Variants in SLC9A8 observed in about 807,000 individuals in gnomAD.
SLC9A8 encodes the protein sodium/hydrogen exchanger 8.
SLC9A8 carries 48 observed loss-of-function variants against 66.6 expected under a neutral mutation model. The observed-to-expected ratio is 0.72, with a 90% CI of 0.57 to 0.92. The LOEUF is 0.92. Among genes scored for constraint, SLC9A8 ranks in the 40% least tolerant of loss-of-function variants. The pLI is 0.00. For synonymous variants in SLC9A8, 274 were observed against 282.6 expected (o/e 0.97, Z 0.31); for missense variants, 599 against 747.3 (o/e 0.80, Z 2.31).
At chr20:49,846,325 A>T (rs972964830) in intron 5 of SLC9A8, among the ~76,000 whole-genome samples, 5 of 152,212 alleles carry the variant, frequency 3.3e-5, no homozygotes, top group African/African-American at 9.6e-5. Flanking sequence ...TGTGATTTTT[A>T]AAAAAACTGT....
At position 49,891,812 on chromosome 20, in the gene SLC9A8, A is replaced by G. The variant is rs555962239; in HGVS notation, c.*3876A>G. On this transcript the variant is annotated 3_prime_UTR_variant, in exon 16 of 16. Coordinates refer to ENST00000361573, the MANE Select transcript of SLC9A8 (RefSeq NM_015266.3). ...GGTGGGCATGGCCTGGCTTACACCA[A>G]AGGCTTTGACGGTTTCTCCAAGTAA... 2 of 152,358 alleles carry G rather than the reference A, an allele frequency of 1.3e-5. No individual in the cohort carries two copies. Among genetic ancestry groups the G allele is most frequent in the South Asian group, 2.1e-4 (1 of 4,834 alleles). The allele number at this position is 152,358 out of a possible 1,614,324, so 9.4% of individuals were successfully genotyped here. A position where few individuals can be genotyped will look rare whatever the true frequency, so the allele number is the denominator to read the frequency against.
At chr20:49,824,194 G>A (rs1426752695) in intron 3 of SLC9A8, among the ~76,000 whole-genome samples, 2 of 152,192 alleles carry the variant, frequency 1.3e-5, no homozygotes, top group Non-Finnish European at 2.9e-5. Flanking sequence ...AGGTGATGCC[G>A]TATTTTAAGG....
At chr20:49,882,363 GC>G (rs1002899934) in intron 13 of SLC9A8, among the ~76,000 whole-genome samples, 3 of 152,196 alleles carry the variant, frequency 2.0e-5, no homozygotes, top group African/African-American at 4.8e-5. Flanking sequence ...CCTTCCCACT[GC>G]CCCTACCTTC....
chr20:49,865,954 ATTAAC>A (rs2088947429), intron 10 of SLC9A8, among the ~76,000 whole-genome samples: 1 of 152,160 alleles, frequency 6.6e-6, no homozygotes, highest in South Asian at 2.1e-4. Flanking sequence ...TTTCTTTTTT[ATTAAC>A]TTCGTTGAGG....
chr20:49,850,879 CT>C, intron 7 of SLC9A8, 35 bp downstream of exon 7: 1 of 1,498,236 alleles, frequency 6.7e-7, no homozygotes, highest in South Asian at 1.2e-5. Flanking sequence ...CATGCGACTG[CT>C]TTTCAGACAG....
rs750209706 is a variant in SLC9A8, at chr20:49,815,176, C to G, written c.195C>G (p.Ser65Arg). 2.6e-6 allele frequency: 4 copies of G among 1,557,874 alleles called. No homozygotes were observed. Among genetic ancestry groups the G allele is most frequent in the Non-Finnish European group, 3.5e-6 (4 of 1,150,036 alleles). ...EQSSGMTIFFSLLVLAICIIL... is the reference protein window; with the variant it reads ...EQSSGMTIFFRLLVLAICIIL... ...CCAGCGGCATGACCATTTTCTTCAG[C>G]CTCCTTGTCCTAGGTGAATATGGAC... The change falls in exon 2 of 16, where the codon AGC (serine) becomes AGG (arginine). Residue 65 changes from serine (S) to arginine (R), a missense_variant. Transcript: ENST00000361573.
rs562647171 is a variant in SLC9A8, at chr20:49,817,815, A to G, written c.208+2626A>G. Among the ~76,000 whole-genome samples the G allele has an allele frequency of 4.6e-5, 7 of 152,274 alleles. No individual in the cohort carries two copies. The South Asian group carries it at 8.3e-4, about 18-fold the overall frequency. The stretch of plus-strand genomic sequence containing the variant: ...TACCCTGTAAATGTAGTTGAATTCT[A>G]TTTCTAGGGGATTACTTCAACAATG... On this transcript the variant is annotated intron_variant, in intron 2 of 15. Coordinates refer to ENST00000361573, the MANE Select transcript of SLC9A8 (RefSeq NM_015266.3).
chr20:49,881,188 C>G (rs2089613979), intron 13 of SLC9A8, among the ~76,000 whole-genome samples, 153 bp downstream of exon 13: 1 of 152,128 alleles, frequency 6.6e-6, no homozygotes, highest in Non-Finnish European at 1.5e-5. Context: ...AAGATGGTGC[C>G]CCTCACCATG....
At chr20:49,851,980 A>G (rs1219214527) in intron 7 of SLC9A8, among the ~76,000 whole-genome samples, 1 of 152,244 alleles carries the variant, frequency 6.6e-6, no homozygotes, top group Non-Finnish European at 1.5e-5. Flanking sequence ...TGGGATGTTC[A>G]GGTGGAGGAC....
At chr20:49,849,805 T>C in intron 6 of SLC9A8, 125 bp downstream of exon 6, 1 of 734,984 alleles carries the variant, frequency 1.4e-6, no homozygotes, top group Non-Finnish European at 2.3e-6. Context: ...AAATTCCTTC[T>C]GGAAGGAAAT....
At chr20:49,861,560 G>T (rs1351698515) in intron 8 of SLC9A8, among the ~76,000 whole-genome samples, 1 of 151,988 alleles carries the variant, frequency 6.6e-6, no homozygotes, top group Non-Finnish European at 1.5e-5. Flanking sequence ...AAAAGAGGGG[G>T]ATCATCTAGG....
chr20:49,837,545 T>A (rs1051528366), intron 3 of SLC9A8, among the ~76,000 whole-genome samples: 3 of 152,122 alleles, frequency 2.0e-5, no homozygotes, highest in African/African-American at 4.8e-5. Flanking sequence ...CTATTCAATT[T>A]TTTTTATTAT....
chr20:49,845,450 T>C (rs1203887476), intron 5 of SLC9A8, among the ~76,000 whole-genome samples: 1 of 152,230 alleles, frequency 6.6e-6, no homozygotes, highest in African/African-American at 2.4e-5. Context: ...GACTGATAGA[T>C]GTAAAGAGGA....
intron 4 of SLC9A8, among the ~76,000 whole-genome samples, chr20:49,843,747 A>G (rs1271371721): frequency 6.6e-6 from 1 of 152,174 alleles, no homozygotes; most frequent in Non-Finnish European, 1.5e-5. Context: ...TTAATAATCA[A>G]ATCTGGAAGC....
chr20:49,866,080 C>T (rs1484598367), intron 10 of SLC9A8, among the ~76,000 whole-genome samples: 4 of 152,204 alleles, frequency 2.6e-5, no homozygotes, highest in East Asian at 1.9e-4. Flanking sequence ...ATATTCTTAT[C>T]GCCCAGTGTG....
At chr20:49,821,521 C>T (rs1395092448) in intron 2 of SLC9A8, among the ~76,000 whole-genome samples, 1 of 152,130 alleles carries the variant, frequency 6.6e-6, no homozygotes, top group African/African-American at 2.4e-5. Context: ...CTCTGGCCAC[C>T]TGGTGTTTTT....
intron 8 of SLC9A8, 146 bp from the exon 9 acceptor site, chr20:49,862,783 G>A (rs2088799418): frequency 2.8e-6 from 2 of 727,210 alleles, no homozygotes; most frequent in Non-Finnish European, 4.4e-6. Flanking sequence ...CAAAGTAGGT[G>A]AACAATAAAC....
At chr20:49,823,214 C>T in intron 3 of SLC9A8, 73 bp downstream of exon 3, 3 of 1,094,712 alleles carry the variant, frequency 2.7e-6, no homozygotes, top group Non-Finnish European at 4.2e-6. Flanking sequence ...CTCTTTAGTG[C>T]CAGGAACCAC....
chr20:49,872,051 G>A (rs1312150669), intron 10 of SLC9A8, among the ~76,000 whole-genome samples: 3 of 152,124 alleles, frequency 2.0e-5, no homozygotes, highest in South Asian at 2.1e-4. Flanking sequence ...CCTGGGAGGC[G>A]GAGGTTGCAT....
Sources: allele counts gnomAD v4.1 joint callset (sites outside exome capture counted in the v4.1 genomes callset), GRCh38; gene constraint gnomAD v4.1.1; transcripts MANE v1.5; gene names NCBI Gene and HGNC (gene_info 2026-07-23, HGNC 2026-07-21).